The following METTL8 variants were observed in gnomAD, a reference collection of about 807,000 sequenced individuals.
METTL8 encodes the protein tRNA N(3)-cytidine methyltransferase METTL8, mitochondrial.
METTL8 carries 32 observed loss-of-function variants against 48.7 expected under a neutral mutation model. The observed-to-expected ratio is 0.66, with a 90% CI of 0.50 to 0.88. The LOEUF (loss-of-function observed/expected upper bound fraction) is 0.88, where lower values mean the gene tolerates loss of function less well. Ranked by LOEUF, METTL8 falls within the 40% of genes least tolerant of loss-of-function variation. The pLI is 0.00. For synonymous variants in METTL8, 136 were observed against 157.1 expected, an observed-to-expected ratio of 0.87 and a Z score of 1.01; for missense variants, 464 against 474.4, an observed-to-expected ratio of 0.98 and a Z score of 0.20.
chr2:171,343,462 T>TAAATAAATAAATAAATAAATAAATAAAA lies in METTL8; in HGVS notation c.236-3909_236-3908insTTTTATTTATTTATTTATTTATTTATTT, dbSNP rs549903639. ...CTCAATAAATAAATAAATAAATAAA[T>TAAATAAATAAATAAATAAATAAATAAAA]ATAAAAAATAAAATAATAAAGGAAA... is the stretch of plus-strand genomic sequence containing the variant. On this transcript the variant is annotated intron_variant, in intron 3 of 9. Transcript: ENST00000375258. Among the ~76,000 whole-genome samples, 106 of 150,712 alleles carry TAAATAAATAAATAAATAAATAAATAAAA rather than the reference T, an allele frequency of 7.0e-4. 1 individual carries two copies. The East Asian group carries it at 0.016, about 22-fold the overall frequency.
At chr2:171,434,687 G>A (rs1332683391), upstream of METTL8, 2 of 1,498,134 alleles carry the variant, frequency 1.3e-6, no homozygotes, top group Non-Finnish European at 1.8e-6. Context: ...GGCATCCTGC[G>A]GGCGCTGGTG....
At chr2:171,382,744 A>G (rs937611359) in intron 2 of METTL8, among the ~76,000 whole-genome samples, 3 of 152,112 alleles carry the variant, frequency 2.0e-5, no homozygotes, top group Admixed American at 2.0e-4. Flanking sequence ...AAAGAAAAAA[A>G]GAAAAGAAAA....
intron 7 of METTL8, among the ~76,000 whole-genome samples, chr2:171,328,968 C>T (rs567916424): frequency 6.5e-4 from 94 of 144,692 alleles, no homozygotes; most frequent in Middle Eastern, 4.5e-3. Context: ...GGATTATAGG[C>T]GTGAGCCACA....
rs181708777 is a variant in METTL8 at position 171,393,732 on chromosome 2, A to G, written c.-12-1535T>C. Among the ~76,000 whole-genome samples, 257 of 152,330 alleles carry G rather than the reference A, an allele frequency of 1.7e-3. 1 individual carries two copies. The Middle Eastern group carries it at 0.027, about 16-fold the overall frequency. ...TGTGTGTATGTAATATGCATCACAG[A>G]TCATTGGAGGTGCTATTAGGCGTAA... is the stretch of plus-strand genomic sequence containing the variant. On this transcript the variant is annotated intron_variant, in intron 1 of 9. Coordinates refer to ENST00000375258, the MANE Select transcript of METTL8 (RefSeq NM_001321154.2).
intron 3 of METTL8, among the ~76,000 whole-genome samples, chr2:171,356,454 G>A (rs1684549978): frequency 6.6e-6 from 1 of 152,112 alleles, no homozygotes; most frequent in South Asian, 2.1e-4. Context: ...TAGCTATTTT[G>A]AAATGTTCAG....
intron 7 of METTL8, chr2:171,327,029 T>C (rs1334358721): frequency 6.6e-6 from 1 of 152,208 alleles, no homozygotes; most frequent in East Asian, 1.9e-4. Flanking sequence ...CTGAAGCAGC[T>C]CCCCTAGCCA....
chr2:171,343,637 T>C (rs1188930602), intron 3 of METTL8, among the ~76,000 whole-genome samples: 1 of 152,180 alleles, frequency 6.6e-6, no homozygotes, highest in East Asian at 1.9e-4. Context: ...TGCAAAGCTG[T>C]ATCTACTTCT....
chr2:171,360,764 A>G (rs374088955), intron 2 of METTL8, among the ~76,000 whole-genome samples: 1 of 152,224 alleles, frequency 6.6e-6, no homozygotes, highest in Non-Finnish European at 1.5e-5. Flanking sequence ...AACGGCTGCT[A>G]AAGTAATGTC....
At chr2:171,421,419 C>T (rs1310935628) in intron 1 of METTL8, among the ~76,000 whole-genome samples, 4 of 144,076 alleles carry the variant, frequency 2.8e-5, no homozygotes, top group African/African-American at 1.0e-4. Context: ...CACTGCACTC[C>T]AGCCTGGGCA....
chr2:171,434,424 G>A, upstream of METTL8: 1 of 1,335,358 alleles, frequency 7.5e-7, no homozygotes, highest in Non-Finnish European at 1.0e-6. Context: ...CCGCCGTCGG[G>A]TGCTCCCTGC....
intron 1 of METTL8, among the ~76,000 whole-genome samples, chr2:171,408,119 T>C (rs748655240): frequency 1.3e-5 from 2 of 152,330 alleles, no homozygotes; most frequent in Admixed American, 6.5e-5. Flanking sequence ...TGTGGCTGAA[T>C]AGGAGCTCTA....
intron 1 of METTL8, among the ~76,000 whole-genome samples, chr2:171,410,899 G>A (rs1221666434): frequency 1.3e-5 from 2 of 152,160 alleles, no homozygotes; most frequent in African/African-American, 4.8e-5. Context: ...ACAAATGATA[G>A]TATCTTTAGA....
intron 2 of METTL8, among the ~76,000 whole-genome samples, chr2:171,385,961 A>C (rs1241181701): frequency 6.6e-6 from 1 of 152,200 alleles, no homozygotes; most frequent in African/African-American, 2.4e-5. Context: ...GAATAACTAA[A>C]AGAGCCTTTT....
At chr2:171,430,371 A>T (rs901963151) in intron 1 of METTL8, among the ~76,000 whole-genome samples, 1 of 146,864 alleles carries the variant, frequency 6.8e-6, no homozygotes, top group East Asian at 2.0e-4. Flanking sequence ...AACAAAAAAC[A>T]AAAAAAAAAG....
At chr2:171,371,425 C>T (rs1410548493) in intron 2 of METTL8, among the ~76,000 whole-genome samples, 2 of 152,162 alleles carry the variant, frequency 1.3e-5, no homozygotes, top group Non-Finnish European at 2.9e-5. Context: ...GGCACCATCT[C>T]GGTTCACTGC....
intron 3 of METTL8, among the ~76,000 whole-genome samples, chr2:171,351,711 T>A (rs1683948953): frequency 6.6e-6 from 1 of 152,216 alleles, no homozygotes. Flanking sequence ...AGGTATTTTA[T>A]TCTCTTTGAA....
intron 1 of METTL8, among the ~76,000 whole-genome samples, chr2:171,399,201 T>C (rs1306335059): frequency 6.6e-6 from 1 of 152,146 alleles, no homozygotes; most frequent in African/African-American, 2.4e-5. Flanking sequence ...CAAGGCTCAG[T>C]CATGAATAGG....
chr2:171,400,390 C>A (rs1439550898), intron 1 of METTL8, among the ~76,000 whole-genome samples: 1 of 152,142 alleles, frequency 6.6e-6, no homozygotes, highest in Non-Finnish European at 1.5e-5. Context: ...ACTGATTCCC[C>A]AGTCTTTAAT....
chr2:171,376,464 A>G (rs1686977881), intron 2 of METTL8, among the ~76,000 whole-genome samples: 2 of 152,182 alleles, frequency 1.3e-5, no homozygotes, highest in African/African-American at 4.8e-5. Flanking sequence ...GACTCTTCCA[A>G]GAAGCTCCTA....
Sources: allele counts gnomAD v4.1 joint callset (sites outside exome capture counted in the v4.1 genomes callset), GRCh38; gene constraint gnomAD v4.1.1; transcripts MANE v1.5; gene names NCBI Gene and HGNC (gene_info 2026-07-23, HGNC 2026-07-21).